The following SLC44A5 variants were observed in gnomAD, a reference collection of about 807,000 sequenced individuals.
SLC44A5 encodes the protein solute carrier family 44 member 5.
SLC44A5 carries 57 observed loss-of-function variants against 101.8 expected under a neutral mutation model. The ratio of observed to expected loss-of-function variants is 0.56; its 90% CI spans 0.45 to 0.70. The LOEUF is 0.70. SLC44A5 is among the 30% of genes least tolerant of loss of function. The probability of loss-of-function intolerance (pLI) is 0.00; values close to 1 mark genes in which losing one functional copy is unlikely to be tolerated. For missense variants in SLC44A5, 737 were observed against 853.1 expected (o/e 0.86, Z 1.70); for synonymous variants, 281 against 290.9 (o/e 0.97, Z 0.35).
chr1:75,417,042 T>C (rs1474271433), intron 2 of SLC44A5, among the ~76,000 whole-genome samples: 1 of 152,160 alleles, frequency 6.6e-6, no homozygotes, highest in Non-Finnish European at 1.5e-5. Flanking sequence ...GAGGGCATGA[T>C]TGGTTTTGAA....
chr1:75,528,755 T>G (rs1487403942), intron 2 of SLC44A5, among the ~76,000 whole-genome samples: 2 of 152,208 alleles, frequency 1.3e-5, no homozygotes, highest in Non-Finnish European at 2.9e-5. Context: ...TTACTTTTCT[T>G]TCTTCATTTC....
At chr1:75,483,135 G>A (rs920622985) in intron 2 of SLC44A5, among the ~76,000 whole-genome samples, 1 of 152,164 alleles carries the variant, frequency 6.6e-6, no homozygotes, top group Non-Finnish European at 1.5e-5. Flanking sequence ...GACAGGAAAT[G>A]GCTTGCCACC....
chr1:75,653,215 G>A, the SLC44A5 span, among the ~76,000 whole-genome samples: 33 of 152,186 alleles, frequency 2.2e-4, no homozygotes, highest in East Asian at 2.1e-3. Context: ...AAAACAGGCC[G>A]GGCGCACTGT....
At chr1:75,490,642 A>G (rs1668377901) in intron 2 of SLC44A5, among the ~76,000 whole-genome samples, 1 of 152,194 alleles carries the variant, frequency 6.6e-6, no homozygotes, top group South Asian at 2.1e-4. Flanking sequence ...TGTTCATTGA[A>G]GAGAGAAAAG....
Position 75,363,873 on chromosome 1 carries a change from C to A in SLC44A5, c.53-24243G>T, listed in dbSNP as rs776797953. Among the ~76,000 whole-genome samples, 3 of 152,080 alleles carry A rather than the reference C, an allele frequency of 2.0e-5. No homozygotes were observed. The East Asian group carries it at 5.8e-4, about 29-fold the overall frequency. On this transcript the variant is annotated intron_variant, in intron 3 of 23. Coordinates refer to ENST00000370859, the MANE Select transcript of SLC44A5 (RefSeq NM_001130058.2). ...AGAAGGCTTAGTGGTGATTAATTTTCTTAGTTTTTGTTTGCCTGGGAAAGG... is the reference window on the plus strand; with the variant it reads ...AGAAGGCTTAGTGGTGATTAATTTTATTAGTTTTTGTTTGCCTGGGAAAGG...
chr1:75,427,191 C>A (rs1220495342), intron 2 of SLC44A5, among the ~76,000 whole-genome samples: 1 of 152,188 alleles, frequency 6.6e-6, no homozygotes, highest in Non-Finnish European at 1.5e-5. Flanking sequence ...GAGATTCTCT[C>A]AGCTTGGTTT....
the SLC44A5 span, among the ~76,000 whole-genome samples, chr1:75,643,772 T>C: frequency 1.3e-4 from 20 of 152,268 alleles, no homozygotes; most frequent in African/African-American, 4.8e-4. Flanking sequence ...CCATCATGAT[T>C]GTGAGGCCTC....
the SLC44A5 span, among the ~76,000 whole-genome samples, chr1:75,721,583 T>C: frequency 6.6e-6 from 1 of 152,210 alleles, no homozygotes; most frequent in Non-Finnish European, 1.5e-5. Context: ...CCTAATGTAA[T>C]ACAATATTAA....
the SLC44A5 span, among the ~76,000 whole-genome samples, chr1:75,656,049 A>C: frequency 6.6e-6 from 1 of 152,320 alleles, no homozygotes; most frequent in Non-Finnish European, 1.5e-5. Context: ...GTTCCTATAC[A>C]TCTGGCAACA....
At chr1:75,374,295 G>A (rs531956104) in intron 3 of SLC44A5, among the ~76,000 whole-genome samples, 79 of 152,230 alleles carry the variant, frequency 5.2e-4, no homozygotes, top group Middle Eastern at 6.8e-3. Context: ...CTCCACTCTT[G>A]ACCCACTGAA....
At chr1:75,454,143 T>A (rs1666056003) in intron 2 of SLC44A5, among the ~76,000 whole-genome samples, 1 of 152,002 alleles carries the variant, frequency 6.6e-6, no homozygotes, top group Admixed American at 6.6e-5. Flanking sequence ...GATATAAAAA[T>A]CCTCAACAAA....
Position 75,227,781 on chromosome 1 carries a change from C to T in SLC44A5, c.930G>A (p.Gly310=). Residue 310 remains glycine, a synonymous_variant, in exon 13 of 24, where the codon GGG becomes GGA. Transcript: ENST00000370859. ...PSSVLTIYDI[G]IQTNISMYFE... ...AGTACATGCTTATGTTAGTCTGAAT[C>T]CCGATGTCATAGATAGTTAATACAG... The T allele has an allele frequency of 6.3e-7, 1 of 1,593,072 alleles. No individual in the cohort carries two copies. Among genetic ancestry groups the T allele is most frequent in the Non-Finnish European group, 8.5e-7 (1 of 1,173,974 alleles).
chr1:75,284,713 A>G (rs904140662), intron 5 of SLC44A5, among the ~76,000 whole-genome samples: 7 of 151,910 alleles, frequency 4.6e-5, no homozygotes, highest in African/African-American at 1.7e-4. Context: ...GGGCCTTAAT[A>G]CTAAAGGAAT....
chr1:75,316,611 G>A (rs1655709282), intron 4 of SLC44A5, among the ~76,000 whole-genome samples: 1 of 152,200 alleles, frequency 6.6e-6, no homozygotes, highest in South Asian at 2.1e-4. Flanking sequence ...ATAATCAGTA[G>A]TTAATAAATA....
intron 1 of SLC44A5, among the ~76,000 whole-genome samples, chr1:75,590,693 T>C (rs962520168): frequency 2.0e-5 from 3 of 152,100 alleles, no homozygotes; most frequent in African/African-American, 7.2e-5. Flanking sequence ...GGGGTGGTGG[T>C]GGCTATGGGG....
chr1:75,668,409 C>G, the SLC44A5 span, among the ~76,000 whole-genome samples: 3 of 145,388 alleles, frequency 2.1e-5, no homozygotes, highest in East Asian at 4.0e-4. Context: ...CATGCAACCT[C>G]GACCTCCTGG....
the SLC44A5 span, among the ~76,000 whole-genome samples, chr1:75,659,490 A>AAGGAAGGAAGAAAGGAAGGC: frequency 2.4e-5 from 1 of 42,298 alleles, no homozygotes; most frequent in East Asian, 3.5e-4. Flanking sequence ...GGAAGGAAGG[A>AAGGAAGGAAGAAAGGAAGGC]AGGCAGGCAG....
chr1:75,537,033 A>AAATATATATAT (rs35829590), intron 2 of SLC44A5, among the ~76,000 whole-genome samples: 1,697 of 42,710 alleles, frequency 0.04, 425 homozygotes, highest in East Asian at 0.093. Context: ...AAAAAAAAAA[A>AAATATATATAT]ATATATATCT....
upstream of SLC44A5, among the ~76,000 whole-genome samples, chr1:75,614,924 C>A (rs1015903817): frequency 5.3e-5 from 8 of 152,080 alleles, no homozygotes; most frequent in Admixed American, 5.2e-4. Context: ...GCTAGGGAGC[C>A]GACAAGCTGC....
Sources: allele counts gnomAD v4.1 joint callset (sites outside exome capture counted in the v4.1 genomes callset), GRCh38; gene constraint gnomAD v4.1.1; transcripts MANE v1.5; gene names NCBI Gene and HGNC (gene_info 2026-07-23, HGNC 2026-07-21).